SLC8A1: variants seen among roughly 807,000 people sequenced by gnomAD.
The protein encoded by SLC8A1 is sodium/calcium exchanger 1.
A neutral mutation model predicts 68.3 loss-of-function variants in SLC8A1; 18 were observed. The ratio of observed to expected loss-of-function variants is 0.26; its 90% CI spans 0.18 to 0.39. The LOEUF (loss-of-function observed/expected upper bound fraction) is 0.39. Among genes scored for constraint, SLC8A1 ranks in the 10% least tolerant of loss-of-function variants. SLC8A1 has a pLI of 1.00. For missense variants in SLC8A1, 985 were observed against 1,156.7 expected, an observed-to-expected ratio of 0.85 and a Z score of 2.15; for synonymous variants, 475 against 415.5, an observed-to-expected ratio of 1.14 and a Z score of -1.74.
chr2:40,115,070 T>C (rs2035070627), exon 8 of SLC8A1: 1 of 352,358 alleles, frequency 2.8e-6, no homozygotes, highest in East Asian at 4.9e-5. Context: ...TTGAACATGA[T>C]GATGCCCCTG....
intron 2 of SLC8A1, among the ~76,000 whole-genome samples, chr2:40,396,550 C>T (rs965674508): frequency 4.6e-5 from 7 of 151,900 alleles, no homozygotes; most frequent in African/African-American, 1.7e-4. Flanking sequence ...TAACACGCAA[C>T]ACAACACTTT....
intron 1 of SLC8A1, among the ~76,000 whole-genome samples, chr2:40,449,913 C>T (rs1381655920): frequency 1.3e-5 from 2 of 152,094 alleles, no homozygotes; most frequent in Non-Finnish European, 2.9e-5. Context: ...AGACAACAAC[C>T]ATTTTAAGGG....
intron 6 of SLC8A1, among the ~76,000 whole-genome samples, chr2:40,141,110 A>G (rs1031050589): frequency 2.6e-5 from 4 of 152,168 alleles, no homozygotes; most frequent in Admixed American, 1.3e-4. Flanking sequence ...CCTTGTCATC[A>G]GGGTGCTACT....
intron 2 of SLC8A1, among the ~76,000 whole-genome samples, chr2:40,272,020 C>T (rs998852723): frequency 2.0e-5 from 3 of 151,982 alleles, no homozygotes; most frequent in Non-Finnish European, 4.4e-5. Context: ...GCATGTACCA[C>T]CATGCCTGGC....
chr2:40,296,831 C>T (rs899116176), intron 2 of SLC8A1, among the ~76,000 whole-genome samples: 19 of 152,224 alleles, frequency 1.2e-4, no homozygotes, highest in African/African-American at 4.3e-4. Context: ...TCAAGTTCAC[C>T]AATTAACCTA....
chr2:40,182,799 A>C (rs1160572639), intron 2 of SLC8A1, among the ~76,000 whole-genome samples: 2 of 152,230 alleles, frequency 1.3e-5, no homozygotes, highest in Non-Finnish European at 2.9e-5. Context: ...CTCATTGTTA[A>C]GCCAAAGTGG....
At chr2:40,140,582 G>A (rs141312665) in intron 6 of SLC8A1, among the ~76,000 whole-genome samples, 194 of 152,374 alleles carry the variant, frequency 1.3e-3, no homozygotes, top group African/African-American at 4.4e-3. Flanking sequence ...TGGACAGCAA[G>A]CTGGGCTTGA....
intron 2 of SLC8A1, among the ~76,000 whole-genome samples, chr2:40,404,864 A>G (rs943175273): frequency 3.3e-5 from 5 of 152,160 alleles, no homozygotes; most frequent in Admixed American, 3.3e-4. Flanking sequence ...TTTTTGTTTT[A>G]TAGACAAGCT....
chr2:40,491,723 A>T (rs1705327970), intron 1 of SLC8A1, among the ~76,000 whole-genome samples: 1 of 152,164 alleles, frequency 6.6e-6, no homozygotes, highest in East Asian at 1.9e-4. Context: ...CCTTTTCTGC[A>T]TCTATTGAGA....
intron 2 of SLC8A1, among the ~76,000 whole-genome samples, chr2:40,340,179 C>A (rs1667242800): frequency 6.6e-6 from 1 of 152,194 alleles, no homozygotes; most frequent in Non-Finnish European, 1.5e-5. Context: ...TGATTCTGAT[C>A]ACCATGGAAC....
chr2:40,198,533 CTTT>C (rs1558713401), intron 2 of SLC8A1, among the ~76,000 whole-genome samples: 1 of 151,710 alleles, frequency 6.6e-6, no homozygotes, highest in East Asian at 1.9e-4. Flanking sequence ...TTATTGATTT[CTTT>C]TTTAAAAAAG....
chr2:40,211,211 C>T (rs2056523101), intron 2 of SLC8A1, among the ~76,000 whole-genome samples: 2 of 152,220 alleles, frequency 1.3e-5, no homozygotes, highest in Admixed American at 6.5e-5. Flanking sequence ...ACTGTGCATA[C>T]TCATGAGATC....
intron 2 of SLC8A1, among the ~76,000 whole-genome samples, chr2:40,315,877 T>C (rs1247271177): frequency 6.6e-6 from 1 of 152,006 alleles, no homozygotes; most frequent in Non-Finnish European, 1.5e-5. Flanking sequence ...CTTCTTGCAA[T>C]GAGAACATTT....
At chr2:40,263,399 AC>A (rs1278860569) in intron 2 of SLC8A1, among the ~76,000 whole-genome samples, 1 of 152,212 alleles carries the variant, frequency 6.6e-6, no homozygotes, top group Non-Finnish European at 1.5e-5. Context: ...TGCCAAGTCA[AC>A]CCCAAGCCAA....
At chr2:40,183,368 G>T (rs1024500507) in intron 2 of SLC8A1, among the ~76,000 whole-genome samples, 1 of 152,204 alleles carries the variant, frequency 6.6e-6, no homozygotes, top group African/African-American at 2.4e-5. Context: ...TATGAACAAT[G>T]ATAGAATTTC....
At chr2:40,396,747 CTAAAAAAAAAAA>C (rs1687025892) in intron 2 of SLC8A1, among the ~76,000 whole-genome samples, 1 of 23,458 alleles carries the variant, frequency 4.3e-5, no homozygotes. Flanking sequence ...TCTCTAATAA[CTAAAAAAAAAAA>C]AAAAAAAAAA....
chr2:40,109,845 CAGAT>C (rs990526977), exon 8 of SLC8A1: 5 of 152,092 alleles, frequency 3.3e-5, no homozygotes, highest in African/African-American at 1.2e-4. Context: ...ACATTGATAA[CAGAT>C]AGACAAGACA....
intron 2 of SLC8A1, among the ~76,000 whole-genome samples, chr2:40,253,831 C>CAAAAAAAAAAAA: frequency 1.7e-5 from 1 of 59,842 alleles, no homozygotes; most frequent in Non-Finnish European, 3.1e-5. Flanking sequence ...TGTCTGTCTC[C>CAAAAAAAAAAAA]AAAAAAAAAA....
At chr2:40,280,890 C>T (rs745398977) in intron 2 of SLC8A1, among the ~76,000 whole-genome samples, 1 of 152,186 alleles carries the variant, frequency 6.6e-6, no homozygotes, top group South Asian at 2.1e-4. Context: ...TCAGTTCTCT[C>T]AAATAGAATT....
Sources: allele counts gnomAD v4.1 joint callset (sites outside exome capture counted in the v4.1 genomes callset), GRCh38; gene constraint gnomAD v4.1.1; transcripts MANE v1.5; gene names NCBI Gene and HGNC (gene_info 2026-07-23, HGNC 2026-07-21).